Variants in EPS8 observed in about 807,000 individuals in gnomAD.
The protein encoded by EPS8 is epidermal growth factor receptor kinase substrate 8.
A neutral mutation model predicts 103.8 loss-of-function variants in EPS8; 42 were observed. That is an observed-to-expected ratio of 0.40 (90% CI 0.32 to 0.52). The LOEUF is 0.52. EPS8 is among the 20% of genes least tolerant of loss of function. EPS8 has a pLI of 0.40. For missense variants in EPS8, 969 were observed against 1,005.1 expected, an observed-to-expected ratio of 0.96 and a Z score of 0.49; for synonymous variants, 344 against 344.6, an observed-to-expected ratio of 1.00 and a Z score of 0.02.
At chr12:15,652,365 C>G (rs1332510260) in intron 13 of EPS8, among the ~76,000 whole-genome samples, 2 of 152,066 alleles carry the variant, frequency 1.3e-5, no homozygotes, top group African/African-American at 4.8e-5. Flanking sequence ...AACTAAGACC[C>G]AGTGTTAGAT....
intron 1 of EPS8, among the ~76,000 whole-genome samples, chr12:15,786,653 T>C (rs760500719): frequency 1.3e-5 from 2 of 152,096 alleles, no homozygotes; most frequent in Non-Finnish European, 2.9e-5. Context: ...CCAAAACTTC[T>C]GAGAAATAAG....
rs529163894 is a variant in EPS8, at chr12:15,716,583, A to G, written c.-21-33611T>C. Among the ~76,000 whole-genome samples, 101 of 152,306 alleles carry G rather than the reference A, an allele frequency of 6.6e-4. No homozygotes were observed. The South Asian group carries it at 8.3e-3, about 13-fold the overall frequency. ...ATATTATATATTTCGAATGTGACAG[A>G]TTTGGTTACTGCACTTTTTTCCAAA... On this transcript the variant is annotated intron_variant, in intron 1 of 20. Coordinates refer to ENST00000281172, the MANE Select transcript of EPS8 (RefSeq NM_004447.6). This position sits in a 1 kb window ranked among gnomAD's most constrained non-coding sequence, Gnocchi z 5.0.
rs552247275 is a variant in EPS8, at chr12:15,688,282, G to A, written c.-21-5310C>T. Among the ~76,000 whole-genome samples, 3 of 152,264 alleles carry A rather than the reference G, an allele frequency of 2.0e-5. No individual in the cohort carries two copies. The highest frequency in any genetic ancestry group is 2.9e-5 in the Non-Finnish European group (2 of 68,016). ...ATGGGTGAGATGACAGCCTCAAGGC[G>A]GTTAAGTCATTTGCCTAAGTGGTAA... On this transcript the variant is annotated intron_variant, in intron 1 of 20. Coordinates refer to ENST00000281172, the MANE Select transcript of EPS8 (RefSeq NM_004447.6). This position sits in a 1 kb window ranked among gnomAD's most constrained non-coding sequence, Gnocchi z 5.1.
chr12:15,661,596 C>T (rs1489358794), intron 9 of EPS8, among the ~76,000 whole-genome samples: 5 of 152,066 alleles, frequency 3.3e-5, no homozygotes, highest in Non-Finnish European at 7.4e-5. Flanking sequence ...AAAAGCTTTA[C>T]GATTTACAAA....
At position 15,681,305 on chromosome 12, in the gene EPS8, G is replaced by A. The variant is rs1370101222; in HGVS notation, c.60-3C>T. 4 of 1,083,584 alleles carry A rather than the reference G, an allele frequency of 3.7e-6. No homozygotes were observed. Among genetic ancestry groups the A allele is most frequent in the Non-Finnish European group, 5.0e-6 (4 of 800,032 alleles). 67.1% of individuals were successfully genotyped at this position (1,083,584 alleles called of 1,614,324 possible). On this transcript the variant is annotated splice_region_variant and splice_polypyrimidine_tract_variant and intron_variant, in intron 2 of 20. Transcript: ENST00000281172. ...AGGTAGGTGATGATCCGTAGCCACT[G>A]TAATAATAATAATAATAATAATAAT...
At chr12:15,634,704 A>T in intron 17 of EPS8, 1 of 398,842 alleles carries the variant, frequency 2.5e-6, no homozygotes, top group Non-Finnish European at 4.4e-6. Flanking sequence ...AATTATATTA[A>T]AAAGAAGTGC....
chr12:15,758,531 T>C (rs1031837493), intron 1 of EPS8, among the ~76,000 whole-genome samples: 2 of 152,164 alleles, frequency 1.3e-5, no homozygotes, highest in East Asian at 1.9e-4. Flanking sequence ...TGAATTAAAG[T>C]TTAATCAATT....
chr12:15,666,301 C>A, intron 7 of EPS8, 139 bp downstream of exon 7: 1 of 645,412 alleles, frequency 1.5e-6, no homozygotes, highest in Non-Finnish European at 2.6e-6. Context: ...CTTGGGAGAA[C>A]AAATGTGTTG....
chr12:15,621,400 T>C lies in EPS8; in HGVS notation c.2386A>G (p.Ile796Val), dbSNP rs748666539. 1 of 1,605,000 alleles carries C rather than the reference T, an allele frequency of 6.2e-7. No homozygotes were observed. The highest frequency in any genetic ancestry group is 8.5e-7 in the Non-Finnish European group (1 of 1,176,166). ...DSSGSSELQE[I>V]MRRRQEKISA... ...ATTTTTTCCTGTCGTCTTCTCATAA[T>C]TTCTTGTAACTCGGAGCTGCCACTG... The change falls in exon 21 of 21, where the codon ATT (isoleucine) becomes GTT (valine). Residue 796 changes from isoleucine (I) to valine (V), a missense_variant. Coordinates refer to ENST00000281172, the MANE Select transcript of EPS8 (RefSeq NM_004447.6).
chr12:15,662,241 C>T (rs1945618833), intron 8 of EPS8, 142 bp from the exon 9 acceptor site: 1 of 1,485,154 alleles, frequency 6.7e-7, no homozygotes, highest in Non-Finnish European at 8.9e-7. Context: ...CAAAACTGTG[C>T]TCATCAGCCA....
In EPS8 at chr12:15,633,195, A is replaced by G. The variant is rs139624061; in HGVS notation, c.1822-1531T>C. ...TATTAGAATGAAAGAATGAATTGTTATTATTATTCCCCACAAACAATCTTC... is the reference window on the plus strand; with the variant it reads ...TATTAGAATGAAAGAATGAATTGTTGTTATTATTCCCCACAAACAATCTTC... On this transcript the variant is annotated intron_variant, in intron 17 of 20. Transcript: ENST00000281172. Among the ~76,000 whole-genome samples, 929 of 152,244 alleles carry G rather than the reference A, an allele frequency of 6.1e-3. 11 individuals carry two copies. The highest frequency in any genetic ancestry group is 0.01 in the Middle Eastern group (3 of 294).
chr12:15,641,502 C>T (rs966788534), intron 16 of EPS8, among the ~76,000 whole-genome samples: 7 of 151,460 alleles, frequency 4.6e-5, no homozygotes, highest in African/African-American at 1.5e-4. Flanking sequence ...TAAAAAAAAA[C>T]CCACCCTGCC....
chr12:15,766,472 T>A (rs1299137976), intron 1 of EPS8, among the ~76,000 whole-genome samples: 1 of 144,340 alleles, frequency 6.9e-6, no homozygotes, highest in Admixed American at 7.0e-5. Flanking sequence ...CACTCCAGCC[T>A]GGTGACAGAG....
rs1008930512 is a variant in EPS8 at position 15,777,642 on chromosome 12, GAGAA to G, written c.-22+11515_-22+11518del. Among the ~76,000 whole-genome samples the G allele has an allele frequency of 1.3e-5, 2 of 152,182 alleles. No homozygotes were observed. The highest frequency in any genetic ancestry group is 4.8e-5 in the African/African-American group (2 of 41,448). On this transcript the variant is annotated intron_variant, in intron 1 of 20. Transcript: ENST00000281172. The surrounding 1 kb of genome is among the most constrained non-coding windows in gnomAD (Gnocchi z 4.7). ...CATGACTGAGATCTCACCAGGCAGT[GAGAA>G]AGAGTTAGAATAGTAATTGGAAAGC...
chr12:15,737,463 C>A (rs1946777623), intron 1 of EPS8, among the ~76,000 whole-genome samples: 1 of 152,104 alleles, frequency 6.6e-6, no homozygotes, highest in Non-Finnish European at 1.5e-5. Context: ...ACAACAACAA[C>A]AACAACTAAC....
intron 6 of EPS8, among the ~76,000 whole-genome samples, 172 bp from the exon 7 acceptor site, chr12:15,666,694 A>G (rs189949300): frequency 1.0e-3 from 159 of 152,332 alleles, no homozygotes; most frequent in Non-Finnish European, 1.8e-3. Context: ...TATAATGGTG[A>G]ACTATATAAT....
chr12:15,634,788 A>G (rs2135739224), intron 17 of EPS8: 2 of 398,874 alleles, frequency 5.0e-6, no homozygotes, highest in Non-Finnish European at 4.4e-6. Context: ...AGCAAATCAC[A>G]TCAAATGAGA....
Position 15,704,043 on chromosome 12 carries a change from C to T in EPS8, c.-21-21071G>A, listed in dbSNP as rs117587077. On this transcript the variant is annotated intron_variant, in intron 1 of 20. Transcript: ENST00000281172. This position sits in a 1 kb window ranked among gnomAD's most constrained non-coding sequence, Gnocchi z 4.6. The stretch of plus-strand genomic sequence containing the variant: ...AGAAATCCAATGAAGCTATCTTCAT[C>T]CTATTTTAGAAAGTTCATTGTAAAA... Among the ~76,000 whole-genome samples the T allele has an allele frequency of 0.011, 1,648 of 152,054 alleles. 22 individuals are homozygous for T. The highest frequency in any genetic ancestry group is 0.041 in the South Asian group (198 of 4,810).
chr12:15,763,636 T>C (rs1302673150), intron 1 of EPS8, among the ~76,000 whole-genome samples: 3 of 152,194 alleles, frequency 2.0e-5, no homozygotes, highest in Admixed American at 6.5e-5. Context: ...GCTGCTCTCA[T>C]CTAGATGATA....
Sources: gnomAD v4.1 joint callset for allele counts (sites outside exome capture counted in the v4.1 genomes callset) on GRCh38, gnomAD v4.1.1 for gene constraint, Gnocchi (gnomAD v3.1) non-coding constraint, MANE v1.5 for transcripts, NCBI Gene and HGNC (gene_info 2026-07-23, HGNC 2026-07-21) for gene names.